TRPM1: variants seen among roughly 807,000 people sequenced by gnomAD.
TRPM1 encodes the protein transient receptor potential cation channel subfamily M member 1.
In TRPM1, 113 loss-of-function variants were observed where a neutral mutation model predicts 149.4. The ratio of observed to expected loss-of-function variants is 0.76; its 90% CI spans 0.65 to 0.88. TRPM1 has a LOEUF of 0.88. TRPM1 is among the 40% of genes least tolerant of loss of function. TRPM1 has a pLI of 0.00. For missense variants in TRPM1, 1,976 were observed against 2,038.7 expected, an observed-to-expected ratio of 0.97 and a Z score of 0.59; for synonymous variants, 741 against 759.5, an observed-to-expected ratio of 0.98 and a Z score of 0.40.
At chr15:31,037,294 C>G (rs375558307) in intron 20 of TRPM1, among the ~76,000 whole-genome samples, 1 of 152,224 alleles carries the variant, frequency 6.6e-6, no homozygotes, top group Non-Finnish European at 1.5e-5. Flanking sequence ...CAAGAGTTTA[C>G]CATCTGGATT....
chr15:31,016,981 ACAC>A (rs747070293), intron 27 of TRPM1, among the ~76,000 whole-genome samples: 7 of 134,852 alleles, frequency 5.2e-5, no homozygotes, highest in African/African-American at 1.3e-4. Flanking sequence ...ACACACACAC[ACAC>A]ACACAAAAAA....
intron 27 of TRPM1, among the ~76,000 whole-genome samples, chr15:31,011,263 A>G (rs1333736345): frequency 6.6e-6 from 1 of 152,196 alleles, no homozygotes; most frequent in East Asian, 1.9e-4. Flanking sequence ...TTATCTATTT[A>G]CATTTAATAT....
intron 1 of TRPM1, among the ~76,000 whole-genome samples, chr15:31,099,114 T>C (rs987608360): frequency 6.6e-6 from 1 of 152,168 alleles, no homozygotes; most frequent in Admixed American, 6.5e-5. Flanking sequence ...AAAATCTCTT[T>C]CCTGGACTCT....
intron 1 of TRPM1, among the ~76,000 whole-genome samples, chr15:31,099,109 C>G (rs1168565856): frequency 6.6e-6 from 1 of 152,146 alleles, no homozygotes; most frequent in African/African-American, 2.4e-5. Flanking sequence ...ACAGAAAAAT[C>G]TCTTTCCTGG....
chr15:31,103,740 G>T (rs989247986), upstream of TRPM1, among the ~76,000 whole-genome samples: 1 of 150,730 alleles, frequency 6.6e-6, no homozygotes, highest in Non-Finnish European at 1.5e-5. Context: ...TTGAACCCTG[G>T]AGGCGGAAGT....
intron 9 of TRPM1, among the ~76,000 whole-genome samples, chr15:31,062,249 C>G (rs541267982): frequency 6.6e-6 from 1 of 152,288 alleles, no homozygotes; most frequent in Admixed American, 6.5e-5. Context: ...AATAAAATAA[C>G]AGAACTTTGT....
intron 18 of TRPM1, among the ~76,000 whole-genome samples, chr15:31,038,788 G>C (rs1408263450): frequency 6.6e-6 from 1 of 151,888 alleles, no homozygotes; most frequent in Non-Finnish European, 1.5e-5. Flanking sequence ...AATTAAAATA[G>C]AATAATATAA....
intron 1 of TRPM1, among the ~76,000 whole-genome samples, chr15:31,140,498 C>A (rs1270927390): frequency 6.6e-6 from 1 of 152,182 alleles, no homozygotes; most frequent in Non-Finnish European, 1.5e-5. Context: ...TTCCCCCGCC[C>A]CAGTGGTAAT....
In TRPM1 at chr15:31,046,196, C is replaced by T. The variant is rs1223264629; in HGVS notation, c.1794+8G>A. 2.5e-6 allele frequency: 4 copies of T among 1,611,464 alleles called. No homozygotes were observed. The highest frequency in any genetic ancestry group is 2.5e-6 in the Non-Finnish European group (3 of 1,179,612). On this transcript the variant is annotated splice_region_variant and intron_variant, in intron 16 of 27. Transcript: ENST00000256552. The stretch of plus-strand genomic sequence containing the variant: ...ATTATAAAACTGTTGAAAACAAGTT[C>T]TACTTACTTCCATTCCCAGAAGTTT...
At chr15:31,066,009 T>G (rs2034363409) in intron 7 of TRPM1, 67 bp downstream of exon 7, 1 of 1,566,762 alleles carries the variant, frequency 6.4e-7, no homozygotes, top group Non-Finnish European at 8.7e-7. Flanking sequence ...ATCAATCTCC[T>G]TCTCAGCCTT....
chr15:31,080,210 A>C (rs1945057002), intron 2 of TRPM1, among the ~76,000 whole-genome samples: 3 of 152,218 alleles, frequency 2.0e-5, no homozygotes, highest in Non-Finnish European at 2.9e-5. Flanking sequence ...ATCTCTGATG[A>C]ATGCTAAAAG....
chr15:31,070,301 C>A (rs890557178), intron 3 of TRPM1, 75 bp from the exon 4 acceptor site: 1 of 1,450,040 alleles, frequency 6.9e-7, no homozygotes, highest in African/African-American at 1.4e-5. Context: ...AATGAATTAA[C>A]CTCAACAGGT....
intron 1 of TRPM1, among the ~76,000 whole-genome samples, chr15:31,121,223 CAAA>C (rs71420549): frequency 3.9e-3 from 231 of 59,360 alleles, no homozygotes; most frequent in Non-Finnish European, 5.7e-3. Context: ...GACTCCATCT[CAAA>C]AAAAAAAAAA....
chr15:31,089,914 T>C (rs1315446467), intron 1 of TRPM1, among the ~76,000 whole-genome samples: 2 of 152,156 alleles, frequency 1.3e-5, no homozygotes, highest in Admixed American at 1.3e-4. Flanking sequence ...GGATCCTGGG[T>C]TGGCCGGGAG....
intron 1 of TRPM1, among the ~76,000 whole-genome samples, chr15:31,145,626 A>G (rs1209733651): frequency 6.6e-6 from 1 of 152,166 alleles, no homozygotes; most frequent in Non-Finnish European, 1.5e-5. Flanking sequence ...CTGGGAAGCT[A>G]GATGTTAGAA....
At chr15:31,132,224 C>T (rs1231110505) in intron 1 of TRPM1, among the ~76,000 whole-genome samples, 3 of 152,184 alleles carry the variant, frequency 2.0e-5, no homozygotes, top group Non-Finnish European at 4.4e-5. Context: ...CCCTCTGTGA[C>T]CCCAAAAGCA....
Position 31,046,185 on chromosome 15 carries a change from G to T in TRPM1, c.1794+19C>A, listed in dbSNP as rs747449361. The T allele has an allele frequency of 1.9e-6, 3 of 1,611,424 alleles. No individual in the cohort carries two copies. The highest frequency in any genetic ancestry group is 2.7e-5 in the African/African-American group (2 of 73,814). On this transcript the variant is annotated intron_variant, in intron 16 of 27. Transcript: ENST00000256552. ...TTGACCAGGATATTATAAAACTGTTGAAAACAAGTTCTACTTACTTCCATT... is the reference window on the plus strand; with the variant it reads ...TTGACCAGGATATTATAAAACTGTTTAAAACAAGTTCTACTTACTTCCATT...
chr15:31,107,568 C>T lies in TRPM1; in HGVS notation c.55-30584G>A, dbSNP rs142480263. Among the ~76,000 whole-genome samples the T allele has an allele frequency of 4.7e-4, 72 of 152,022 alleles. 1 individual carries two copies. The South Asian group carries it at 7.1e-3, about 15-fold the overall frequency. On this transcript the variant is annotated intron_variant, in intron 1 of 26. Coordinates refer to the TRPM1 transcript ENST00000542188. ...TCTACGCTTTATTTTATTATTTCCACGCTAGTCTTATTTTCTTCCTTCTGC... is the reference window on the plus strand; with the variant it reads ...TCTACGCTTTATTTTATTATTTCCATGCTAGTCTTATTTTCTTCCTTCTGC...
intron 16 of TRPM1, 134 bp from the exon 17 acceptor site, chr15:31,042,377 C>T: frequency 1.1e-6 from 1 of 888,832 alleles, no homozygotes; most frequent in Non-Finnish European, 1.7e-6. Context: ...TACATTTCCA[C>T]TCCGCATATG....
Sources: gnomAD v4.1 joint callset for allele counts (sites outside exome capture counted in the v4.1 genomes callset) on GRCh38, gnomAD v4.1.1 for gene constraint, MANE v1.5 for transcripts, NCBI Gene and HGNC (gene_info 2026-07-23, HGNC 2026-07-21) for gene names.